Variants in CNTNAP2 observed in about 807,000 individuals in gnomAD.
CNTNAP2 encodes contactin-associated protein-like 2.
In CNTNAP2, 98 loss-of-function variants were observed where a neutral mutation model predicts 155.2. The ratio of observed to expected loss-of-function variants is 0.63; its 90% CI spans 0.54 to 0.75. The LOEUF (loss-of-function observed/expected upper bound fraction) is 0.75. Ranked by LOEUF, CNTNAP2 falls within the 30% of genes least tolerant of loss-of-function variation. The probability of loss-of-function intolerance (pLI) is 0.00; values close to 1 mark genes in which losing one functional copy is unlikely to be tolerated. For missense variants in CNTNAP2, 1,727 were observed against 1,688.1 expected (o/e 1.02, Z -0.40); for synonymous variants, 651 against 631.2 (o/e 1.03, Z -0.47).
At chr7:146,537,241 A>T (rs1797883118) in intron 1 of CNTNAP2, among the ~76,000 whole-genome samples, 1 of 152,152 alleles carries the variant, frequency 6.6e-6, no homozygotes, top group Non-Finnish European at 1.5e-5. Context: ...TTTAGGAGAT[A>T]AATCTGACAC....
chr7:146,764,285 G>C (rs1802157090), intron 1 of CNTNAP2, among the ~76,000 whole-genome samples: 1 of 152,002 alleles, frequency 6.6e-6, no homozygotes, highest in Admixed American at 6.6e-5. Context: ...TGTAGAATTT[G>C]AGTTAAAAAA....
chr7:147,810,852 G>A (rs1266201161), intron 13 of CNTNAP2, among the ~76,000 whole-genome samples: 1 of 152,144 alleles, frequency 6.6e-6, no homozygotes. Context: ...AATGACTGAA[G>A]TTCTACTCTA....
intron 1 of CNTNAP2, among the ~76,000 whole-genome samples, chr7:146,438,715 A>G (rs1718089): frequency 0.037 from 5,632 of 151,556 alleles, 602 homozygotes; most frequent in African/African-American, 0.13. Context: ...TCATAATTGA[A>G]CACCAAAAAC....
intron 3 of CNTNAP2, among the ~76,000 whole-genome samples, chr7:147,010,458 G>A (rs1264503461): frequency 2.6e-5 from 4 of 151,680 alleles, no homozygotes; most frequent in Non-Finnish European, 4.4e-5. Flanking sequence ...AACAAGACAC[G>A]TATATATGAA....
intron 15 of CNTNAP2, among the ~76,000 whole-genome samples, chr7:148,026,759 A>C (rs1802382780): frequency 1.3e-5 from 2 of 152,138 alleles, no homozygotes. Context: ...AAAAGTTAGA[A>C]CCCTAATCCT....
chr7:147,506,525 G>T (rs1798909563), intron 11 of CNTNAP2, among the ~76,000 whole-genome samples: 1 of 152,192 alleles, frequency 6.6e-6, no homozygotes, highest in Non-Finnish European at 1.5e-5. Flanking sequence ...AAAATGCTGG[G>T]ATTACAGGCG....
intron 4 of CNTNAP2, chr7:147,081,755 G>C (rs1800136439): frequency 6.6e-6 from 1 of 152,174 alleles, no homozygotes; most frequent in African/African-American, 2.4e-5. Flanking sequence ...ACCCGGCCGA[G>C]ATTCATTAAT....
At chr7:146,794,624 A>G (rs1380499982) in intron 2 of CNTNAP2, among the ~76,000 whole-genome samples, 2 of 152,148 alleles carry the variant, frequency 1.3e-5, no homozygotes, top group East Asian at 1.9e-4. Flanking sequence ...TAACTTTCCC[A>G]TGGTGTCTGT....
At chr7:147,112,885 A>T (rs1800910342) in intron 5 of CNTNAP2, among the ~76,000 whole-genome samples, 1 of 152,112 alleles carries the variant, frequency 6.6e-6, no homozygotes, top group South Asian at 2.1e-4. Flanking sequence ...TGGTACCAGG[A>T]TGATGCTGGC....
chr7:146,905,658 G>C (rs973172663), intron 3 of CNTNAP2, among the ~76,000 whole-genome samples: 1 of 152,170 alleles, frequency 6.6e-6, no homozygotes, highest in African/African-American at 2.4e-5. Flanking sequence ...CTTTGTAGCT[G>C]TCATTTGCCC....
At chr7:147,955,715 TC>T (rs1166282211) in intron 14 of CNTNAP2, among the ~76,000 whole-genome samples, 1 of 152,122 alleles carries the variant, frequency 6.6e-6, no homozygotes, top group Non-Finnish European at 1.5e-5. Flanking sequence ...ACCAAGTGGA[TC>T]GGAAATGTCT....
At chr7:147,572,097 G>A (rs1180488832) in intron 12 of CNTNAP2, among the ~76,000 whole-genome samples, 3 of 152,064 alleles carry the variant, frequency 2.0e-5, no homozygotes, top group East Asian at 1.9e-4. Context: ...TGAAAATCTC[G>A]GAACCAACTC....
intron 1 of CNTNAP2, among the ~76,000 whole-genome samples, chr7:146,246,119 G>A (rs866473494): frequency 3.3e-5 from 5 of 151,774 alleles, no homozygotes; most frequent in Non-Finnish European, 7.3e-5. Flanking sequence ...AGCATGCTAT[G>A]GGATGTGATA....
chr7:147,891,841 C>T (rs1212474121), intron 13 of CNTNAP2, among the ~76,000 whole-genome samples: 2 of 151,904 alleles, frequency 1.3e-5, no homozygotes, highest in Non-Finnish European at 2.9e-5. Context: ...AACTTGATAC[C>T]AAAAACATAA....
chr7:146,692,826 G>A (rs1043007887), intron 1 of CNTNAP2, among the ~76,000 whole-genome samples: 1 of 152,068 alleles, frequency 6.6e-6, no homozygotes, highest in Admixed American at 6.6e-5. Context: ...TTGCTATTAT[G>A]ACTATTATTT....
At chr7:147,258,119 A>G (rs948446544) in intron 8 of CNTNAP2, among the ~76,000 whole-genome samples, 1 of 152,222 alleles carries the variant, frequency 6.6e-6, no homozygotes, top group Non-Finnish European at 1.5e-5. Flanking sequence ...ACCACAGGAA[A>G]TGCAACCCTG....
At chr7:146,480,813 G>C (rs886806586) in intron 1 of CNTNAP2, among the ~76,000 whole-genome samples, 9 of 150,736 alleles carry the variant, frequency 6.0e-5, no homozygotes, top group African/African-American at 2.2e-4. Flanking sequence ...CTCCCGAGTA[G>C]CTGGGACTAC....
chr7:148,214,509 A>G (rs1795603643), intron 18 of CNTNAP2, among the ~76,000 whole-genome samples: 1 of 152,210 alleles, frequency 6.6e-6, no homozygotes, highest in Non-Finnish European at 1.5e-5. Context: ...TAGCTGTTCA[A>G]TCCTATGTTT....
At chr7:146,851,379 G>A (rs1794874852) in intron 3 of CNTNAP2, among the ~76,000 whole-genome samples, 2 of 152,146 alleles carry the variant, frequency 1.3e-5, no homozygotes, top group African/African-American at 2.4e-5. Flanking sequence ...TAATGCTATT[G>A]TTGGTGTTGC....
Sources: gnomAD v4.1 joint callset for allele counts (sites outside exome capture counted in the v4.1 genomes callset) on GRCh38, gnomAD v4.1.1 for gene constraint, MANE v1.5 for transcripts, NCBI Gene and HGNC (gene_info 2026-07-23, HGNC 2026-07-21) for gene names.